LRRC4B: variants seen among roughly 807,000 people sequenced by gnomAD.
LRRC4B encodes the protein leucine rich repeat containing 4B, also known as leucine-rich repeat-containing protein 4B.
A neutral mutation model predicts 7.3 loss-of-function variants in LRRC4B; 1 was observed. The ratio of observed to expected loss-of-function variants is 0.14; its 90% CI spans 0.05 to 0.65. The LOEUF is 0.65. Among genes scored for constraint, LRRC4B ranks in the 30% least tolerant of loss-of-function variants. The probability of loss-of-function intolerance (pLI) is 0.84; values close to 1 mark genes in which losing one functional copy is unlikely to be tolerated. For synonymous variants in LRRC4B, 500 were observed against 499.2 expected, an observed-to-expected ratio of 1.00 and a Z score of -0.02; for missense variants, 730 against 1,041.6, an observed-to-expected ratio of 0.70 and a Z score of 4.12.
At position 50,518,699 on chromosome 19, in the gene LRRC4B, G is replaced by T; in HGVS notation, c.1014C>A (p.Ala338=). Residue 338 remains alanine, a synonymous_variant, in exon 3 of 3, where the codon GCC becomes GCA. Transcript: ENST00000652263. ...ETVPSNTTCC[A]RCHAPAGLKG... is the part of the protein sequence containing the mutation. ...TGAGGCCGGCGGGCGCATGACAGCG[G>T]GCGCAGCACGTCGTGTTGCTGGGCA... 6.2e-7 allele frequency: 1 copy of T among 1,613,848 alleles called. No individual in the cohort carries two copies. Among genetic ancestry groups the T allele is most frequent in the Non-Finnish European group, 8.5e-7 (1 of 1,179,922 alleles).
At chr19:50,536,918 G>C (rs1981319784) in intron 2 of LRRC4B, among the ~76,000 whole-genome samples, 1 of 152,164 alleles carries the variant, frequency 6.6e-6, no homozygotes, top group Non-Finnish European at 1.5e-5. Context: ...ATGGGGACAG[G>C]GTGGCTTGCA....
In LRRC4B at chr19:50,565,037, G is replaced by A. The variant is rs141791052; in HGVS notation, c.-36+2907C>T. 3.1e-3 allele frequency among the ~76,000 whole-genome samples: 471 copies of A among 152,314 alleles called. 1 individual carries two copies. Among genetic ancestry groups the A allele is most frequent in the Non-Finnish European group, 5.0e-3 (339 of 68,012 alleles). ...ATGTCTTAATTCTGCTGACCTCTCG[G>A]ACGGCGAGGAGGTCCCTGAGGAGCC... On this transcript the variant is annotated intron_variant, in intron 1 of 2. Coordinates refer to ENST00000652263, the MANE Select transcript of LRRC4B (RefSeq NM_001080457.2).
intron 1 of LRRC4B, among the ~76,000 whole-genome samples, chr19:50,552,366 C>T (rs921380482): frequency 2.0e-5 from 3 of 152,036 alleles, no homozygotes; most frequent in African/African-American, 4.8e-5. Context: ...CTGGAACCTG[C>T]GCCCTGCACC....
At chr19:50,543,759 A>G (rs1240712317) in intron 2 of LRRC4B, among the ~76,000 whole-genome samples, 1 of 147,664 alleles carries the variant, frequency 6.8e-6, no homozygotes, top group Non-Finnish European at 1.5e-5. Flanking sequence ...AGGCTAAGGC[A>G]GGAGAATCTC....
intron 2 of LRRC4B, among the ~76,000 whole-genome samples, chr19:50,525,956 G>T (rs1429414483): frequency 6.6e-6 from 1 of 152,162 alleles, no homozygotes; most frequent in African/African-American, 2.4e-5. Context: ...AGGAGGCGAG[G>T]TTGCGGTGAG....
chr19:50,521,257 G>A (rs1053361149), intron 2 of LRRC4B, among the ~76,000 whole-genome samples: 2 of 152,098 alleles, frequency 1.3e-5, no homozygotes, highest in Non-Finnish European at 2.9e-5. Context: ...CTCTGCGTGT[G>A]TGGGCAGGTG....
chr19:50,550,628 C>A (rs888121384), intron 1 of LRRC4B, among the ~76,000 whole-genome samples: 1 of 151,976 alleles, frequency 6.6e-6, no homozygotes, highest in South Asian at 2.1e-4. Flanking sequence ...TGTGTGAGAG[C>A]GAGGGCTAGA....
chr19:50,529,267 T>C (rs570834533), intron 2 of LRRC4B, among the ~76,000 whole-genome samples: 1 of 152,174 alleles, frequency 6.6e-6, no homozygotes, highest in South Asian at 2.1e-4. Flanking sequence ...TGAAGCTCCG[T>C]GAAGCCCAGT....
chr19:50,536,110 A>T (rs1981270732), intron 2 of LRRC4B, among the ~76,000 whole-genome samples: 1 of 149,390 alleles, frequency 6.7e-6, no homozygotes. Flanking sequence ...CAGCTCGTGC[A>T]CGCTGCTACT....
At chr19:50,520,225 A>G (rs58286877) in intron 2 of LRRC4B, among the ~76,000 whole-genome samples, 15 of 72,788 alleles carry the variant, frequency 2.1e-4, no homozygotes, top group African/African-American at 7.7e-4. Flanking sequence ...AAAAAAAAAA[A>G]AAAAAAAAAA....
chr19:50,544,319 A>T (rs540805850), intron 2 of LRRC4B, among the ~76,000 whole-genome samples: 5 of 152,046 alleles, frequency 3.3e-5, no homozygotes, highest in African/African-American at 1.2e-4. Flanking sequence ...ATCCTGGCTA[A>T]CACAGTGAAA....
intron 1 of LRRC4B, among the ~76,000 whole-genome samples, chr19:50,566,419 C>G (rs1982630604): frequency 6.6e-6 from 1 of 151,410 alleles, no homozygotes; most frequent in African/African-American, 2.4e-5. Context: ...TCCCCCTCCC[C>G]CTTCCCAGCT....
At chr19:50,567,236 A>T (rs1247280009) in intron 1 of LRRC4B, among the ~76,000 whole-genome samples, 1 of 151,540 alleles carries the variant, frequency 6.6e-6, no homozygotes, top group Non-Finnish European at 1.5e-5. Flanking sequence ...AGAAGGCCCC[A>T]AAGCCTAGTG....
chr19:50,525,225 T>C (rs1275905512), intron 2 of LRRC4B, among the ~76,000 whole-genome samples: 2 of 152,096 alleles, frequency 1.3e-5, no homozygotes, highest in African/African-American at 4.8e-5. Flanking sequence ...ACGAGGAGGA[T>C]GATGAAAAGC....
rs1981829959 is a variant in LRRC4B at position 50,546,742 on chromosome 19, C to A, written c.297+1800G>T. On this transcript the variant is annotated intron_variant, in intron 2 of 2. Coordinates refer to ENST00000652263, the MANE Select transcript of LRRC4B (RefSeq NM_001080457.2). Reference sequence around the variant, plus strand: ...CTGAATTGTTCACTGAGCCCCCTCGCCCCCCCACAAAGAGAAACGGGTCCA... The same window carrying A: ...CTGAATTGTTCACTGAGCCCCCTCGACCCCCCACAAAGAGAAACGGGTCCA... Among the ~76,000 whole-genome samples, 8 of 152,144 alleles carry A rather than the reference C, an allele frequency of 5.3e-5. No homozygotes were observed. In the South Asian group the frequency reaches 1.7e-3, roughly 32 times the overall value.
chr19:50,527,957 G>T (rs1465062502), intron 2 of LRRC4B, among the ~76,000 whole-genome samples: 4 of 151,688 alleles, frequency 2.6e-5, no homozygotes, highest in Non-Finnish European at 4.4e-5. Flanking sequence ...TAGCCAGGAT[G>T]GTCTCGATCT....
chr19:50,554,681 T>C (rs1040716402), intron 1 of LRRC4B, among the ~76,000 whole-genome samples: 1 of 152,196 alleles, frequency 6.6e-6, no homozygotes, highest in African/African-American at 2.4e-5. Flanking sequence ...CCAACACACA[T>C]CTGGCACTGA....
intron 2 of LRRC4B, among the ~76,000 whole-genome samples, chr19:50,540,567 G>C (rs1040204480): frequency 1.3e-5 from 2 of 152,084 alleles, no homozygotes; most frequent in Non-Finnish European, 2.9e-5. Context: ...TGTTGGCCAG[G>C]CTGGTCTCGA....
At position 50,548,969 on chromosome 19, in the gene LRRC4B, C is replaced by T; in HGVS notation, c.-35-96G>A. 1.5e-6 allele frequency: 1 copy of T among 651,954 alleles called. No individual in the cohort carries two copies. The highest frequency in any genetic ancestry group is 2.6e-6 in the Non-Finnish European group (1 of 388,448). The allele number at this position is 651,954 out of a possible 1,614,324, so 40.4% of individuals were successfully genotyped here. A position where few individuals can be genotyped will look rare whatever the true frequency, so the allele number is the denominator to read the frequency against. On this transcript the variant is annotated intron_variant, in intron 1 of 2. Coordinates refer to ENST00000652263, the MANE Select transcript of LRRC4B (RefSeq NM_001080457.2). The surrounding 1 kb of genome is among the most constrained non-coding windows in gnomAD (Gnocchi z 6.8). Reference sequence around the variant, plus strand: ...AACACCCAGGCAGCCCCATCGCCGCCTCCCTGCCCCATGCCCAGAACAAAG... The same window carrying T: ...AACACCCAGGCAGCCCCATCGCCGCTTCCCTGCCCCATGCCCAGAACAAAG...
Sources: gnomAD v4.1 joint callset for allele counts (sites outside exome capture counted in the v4.1 genomes callset) on GRCh38, gnomAD v4.1.1 for gene constraint, Gnocchi (gnomAD v3.1) non-coding constraint, MANE v1.5 for transcripts, NCBI Gene and HGNC (gene_info 2026-07-23, HGNC 2026-07-21) for gene names.